RYK: variants seen among roughly 807,000 people sequenced by gnomAD.
RYK encodes the protein receptor like tyrosine kinase.
Under a neutral mutation model 70.2 loss-of-function variants are expected in RYK, and 21 were observed. The ratio of observed to expected loss-of-function variants is 0.30; its 90% CI spans 0.21 to 0.43. RYK has a LOEUF of 0.43. Ranked by LOEUF, RYK falls within the 20% of genes least tolerant of loss-of-function variation. RYK has a pLI of 1.00. For missense variants in RYK, 604 were observed against 753.3 expected (o/e 0.80, Z 2.32); for synonymous variants, 267 against 278.0 (o/e 0.96, Z 0.39).
intron 1 of RYK, among the ~76,000 whole-genome samples, chr3:134,234,185 A>G (rs1228481349): frequency 6.6e-6 from 1 of 152,168 alleles, no homozygotes; most frequent in African/African-American, 2.4e-5. Flanking sequence ...ACTCATTAAT[A>G]CAAAAATACA....
intron 6 of RYK, among the ~76,000 whole-genome samples, chr3:134,201,785 AG>A (rs1459731512): frequency 2.0e-5 from 3 of 152,252 alleles, no homozygotes; most frequent in African/African-American, 7.2e-5. Flanking sequence ...AAAGGTTCAA[AG>A]AGTATGGATG....
intron 1 of RYK, among the ~76,000 whole-genome samples, chr3:134,236,893 G>C: frequency 6.6e-6 from 1 of 152,138 alleles, no homozygotes; most frequent in East Asian, 1.9e-4. Flanking sequence ...AGAATGCACA[G>C]AATTTTTAAA....
At chr3:134,247,744 C>T (rs1388435619) in intron 1 of RYK, among the ~76,000 whole-genome samples, 1 of 151,682 alleles carries the variant, frequency 6.6e-6, no homozygotes, top group Non-Finnish European at 1.5e-5. Flanking sequence ...AAACTATATG[C>T]ATATATTAAC....
At chr3:134,171,612 A>C (rs1428966813) in intron 13 of RYK, among the ~76,000 whole-genome samples, 1 of 152,200 alleles carries the variant, frequency 6.6e-6, no homozygotes, top group Non-Finnish European at 1.5e-5. Flanking sequence ...CCCGCCTGTA[A>C]TCCCAGTGCT....
intron 1 of RYK, among the ~76,000 whole-genome samples, chr3:134,248,308 T>C (rs549405964): frequency 1.6e-4 from 25 of 152,302 alleles, no homozygotes; most frequent in South Asian, 1.4e-3. Flanking sequence ...TGGGCATAAA[T>C]TGGATGCTCA....
intron 1 of RYK, among the ~76,000 whole-genome samples, chr3:134,229,221 G>A (rs1161490592): frequency 1.3e-5 from 2 of 151,770 alleles, no homozygotes; most frequent in South Asian, 4.2e-4. Context: ...GGGCTCTGTC[G>A]CTCTTGCTCT....
Position 134,220,386 on chromosome 3 carries a change from C to T in RYK, c.354+2032G>A, listed in dbSNP as rs1009063598. Among the ~76,000 whole-genome samples the T allele has an allele frequency of 3.9e-5, 6 of 151,982 alleles. 1 individual carries two copies. The highest frequency in any genetic ancestry group is 8.8e-5 in the Non-Finnish European group (6 of 68,010). On this transcript the variant is annotated intron_variant, in intron 2 of 14. Transcript: ENST00000623711. ...TTGTATTTTGGTTGTATAAAGAATG[C>T]CCTTTTTCTTAGAAAATACTCACTG...
chr3:134,159,159 T>C, intron 14 of RYK, 78 bp downstream of exon 14: 1 of 1,457,924 alleles, frequency 6.9e-7, no homozygotes, highest in South Asian at 1.2e-5. Flanking sequence ...TGTGTGAATA[T>C]GGAAACCTGC....
intron 6 of RYK, among the ~76,000 whole-genome samples, chr3:134,201,589 G>T (rs891299777): frequency 6.6e-6 from 1 of 152,212 alleles, no homozygotes; most frequent in Admixed American, 6.5e-5. Context: ...AAGACTTCAT[G>T]AAAGAGACAG....
intron 10 of RYK, among the ~76,000 whole-genome samples, chr3:134,182,474 TATAAA>T (rs2013330150): frequency 6.6e-6 from 1 of 152,148 alleles, no homozygotes; most frequent in Non-Finnish European, 1.5e-5. Context: ...TCTAATTTAT[TATAAA>T]ATAGTTATAT....
intron 2 of RYK, among the ~76,000 whole-genome samples, chr3:134,217,757 G>A (rs1381771825): frequency 6.6e-6 from 1 of 152,086 alleles, no homozygotes; most frequent in African/African-American, 2.4e-5. Context: ...CTAAGTGGCT[G>A]GATTGCTCAG....
At position 134,222,649 on chromosome 3, in the gene RYK, A is replaced by G. The variant is rs2014777206; in HGVS notation, c.233-110T>C. The G allele has an allele frequency of 6.2e-6, 6 of 974,324 alleles. No homozygotes were observed. The South Asian group carries it at 1.0e-4, about 16-fold the overall frequency. The allele number at this position is 974,324 out of a possible 1,614,324, so 60.4% of individuals were successfully genotyped here. Reference sequence around the variant, plus strand: ...GAAGATAATATTGATAAGCAAATGAACATCACAAATGGCCCTAACATGGGC... The same window carrying G: ...GAAGATAATATTGATAAGCAAATGAGCATCACAAATGGCCCTAACATGGGC... On this transcript the variant is annotated intron_variant, in intron 1 of 14. Transcript: ENST00000623711.
intron 9 of RYK, 37 bp from the exon 10 acceptor site, chr3:134,183,108 T>C (rs1268406503): frequency 1.7e-5 from 21 of 1,232,298 alleles, no homozygotes; most frequent in Non-Finnish European, 2.4e-5. Flanking sequence ...TGAATAATAA[T>C]ACTACATATA....
At chr3:134,211,712 T>C (rs2014403560) in intron 2 of RYK, 105 bp from the exon 3 acceptor site, 1 of 673,704 alleles carries the variant, frequency 1.5e-6, no homozygotes, top group Admixed American at 2.6e-5. Flanking sequence ...GAGCCTTTCA[T>C]ATGTACAAAT....
intron 2 of RYK, among the ~76,000 whole-genome samples, chr3:134,220,107 A>G (rs1156458574): frequency 6.6e-6 from 1 of 152,214 alleles, no homozygotes; most frequent in Non-Finnish European, 1.5e-5. Context: ...ATATTCCTGA[A>G]TCTAATCATG....
chr3:134,222,608 C>A, intron 1 of RYK, 69 bp from the exon 2 acceptor site: 1 of 1,266,590 alleles, frequency 7.9e-7, no homozygotes, highest in Non-Finnish European at 1.1e-6. Flanking sequence ...ATCAGTATTT[C>A]AAATACAAAT....
intron 3 of RYK, among the ~76,000 whole-genome samples, chr3:134,211,033 C>T (rs2014377239): frequency 1.3e-5 from 2 of 152,156 alleles, no homozygotes; most frequent in South Asian, 4.1e-4. Context: ...ACTGCTACAA[C>T]TCTGGGGCAA....
intron 1 of RYK, among the ~76,000 whole-genome samples, chr3:134,225,697 C>A (rs1388768088): frequency 1.3e-5 from 2 of 151,924 alleles, no homozygotes; most frequent in African/African-American, 4.8e-5. Context: ...CTATAAAAAA[C>A]TTTTTTTAAA....
intron 10 of RYK, among the ~76,000 whole-genome samples, chr3:134,182,369 T>G (rs1311812034): frequency 2.6e-5 from 4 of 152,138 alleles, no homozygotes; most frequent in Non-Finnish European, 5.9e-5. Context: ...GCATGTTAAC[T>G]TTGTCAAAGA....
Sources: allele counts gnomAD v4.1 joint callset (sites outside exome capture counted in the v4.1 genomes callset), GRCh38; gene constraint gnomAD v4.1.1; transcripts MANE v1.5; gene names NCBI Gene and HGNC (gene_info 2026-07-23, HGNC 2026-07-21).